The following PHF14 variants were observed in gnomAD, a reference collection of about 807,000 sequenced individuals.
The protein encoded by PHF14 is PHD finger protein 14.
PHF14 carries 55 observed loss-of-function variants against 117.9 expected under a neutral mutation model. That is an observed-to-expected ratio of 0.47 (90% CI 0.38 to 0.58). The LOEUF (loss-of-function observed/expected upper bound fraction) is 0.58. Ranked by LOEUF, PHF14 falls within the 20% of genes least tolerant of loss-of-function variation. The probability of loss-of-function intolerance (pLI) is 0.00; values close to 1 mark genes in which losing one functional copy is unlikely to be tolerated. For missense variants in PHF14, 978 were observed against 1,122.2 expected (o/e 0.87, Z 1.84); for synonymous variants, 409 against 368.6 (o/e 1.11, Z -1.26).
At position 11,020,235 on chromosome 7, in the gene PHF14, T is replaced by G. The variant is rs180765363; in HGVS notation, c.1206-2633T>G. ...TCCTGAGTAGTGCAGGTTATAGGTG[T>G]GCGCCACCACACCAGGCTAATGTTT... On this transcript the variant is annotated intron_variant, in intron 5 of 17. Transcript: ENST00000634607. 6.5e-4 allele frequency among the ~76,000 whole-genome samples: 99 copies of G among 152,042 alleles called. 1 individual carries two copies. Among genetic ancestry groups the G allele is most frequent in the South Asian group, 2.1e-3 (10 of 4,812 alleles).
intron 16 of PHF14, chr7:11,110,116 C>T (rs1787394204): frequency 6.6e-6 from 1 of 151,600 alleles, no homozygotes. Flanking sequence ...ATTTACAGTC[C>T]CTTTTATTAT....
At chr7:11,135,148 G>C (rs1218069575) in intron 17 of PHF14, among the ~76,000 whole-genome samples, 1 of 152,090 alleles carries the variant, frequency 6.6e-6, no homozygotes, top group Non-Finnish European at 1.5e-5. Flanking sequence ...TGCAGACTTG[G>C]AGTCAAATTA....
chr7:11,121,759 A>G (rs1583482153), intron 17 of PHF14, among the ~76,000 whole-genome samples: 1 of 152,114 alleles, frequency 6.6e-6, no homozygotes. Context: ...GGAATGATTC[A>G]TGTCCCAAGT....
At chr7:11,137,541 T>C (rs1788257032) in intron 17 of PHF14, among the ~76,000 whole-genome samples, 1 of 151,988 alleles carries the variant, frequency 6.6e-6, no homozygotes, top group South Asian at 2.1e-4. Context: ...ATTATTAATA[T>C]AGTTCTAAAG....
Position 11,037,014 on chromosome 7 carries a change from GA to G in PHF14, c.1907del (p.Asn636IlefsTer8). On this transcript the variant is annotated frameshift_variant, in exon 10 of 18. Transcript: ENST00000634607. LOFTEE classifies it high-confidence loss of function. ...AAATATGCGCATGATTCAAATTCAGGAAAATATGGCTGAACAAAAGAATATA... is the reference window on the plus strand; with the variant it reads ...AAATATGCGCATGATTCAAATTCAGGAAATATGGCTGAACAAAAGAATATA... ...ERNMRMIQIQ[E>X]NMAEQKNIKD... 6.6e-7 allele frequency: 1 copy of G among 1,516,350 alleles called. No homozygotes were observed. Among genetic ancestry groups the G allele is most frequent in the Non-Finnish European group, 9.0e-7 (1 of 1,109,882 alleles). The allele number at this position is 1,516,350 out of a possible 1,614,324, so 93.9% of individuals were successfully genotyped here. A position where few individuals can be genotyped will look rare whatever the true frequency, so the allele number is the denominator to read the frequency against.
intron 14 of PHF14, among the ~76,000 whole-genome samples, chr7:11,055,728 T>C (rs946872001): frequency 1.3e-5 from 2 of 152,152 alleles, no homozygotes; most frequent in Non-Finnish European, 2.9e-5. Context: ...GAGCCTACTT[T>C]TATTACATTT....
At chr7:11,025,423 A>G (rs1318373563) in intron 6 of PHF14, among the ~76,000 whole-genome samples, 1 of 152,220 alleles carries the variant, frequency 6.6e-6, no homozygotes, top group African/African-American at 2.4e-5. Flanking sequence ...AATGCTGTCA[A>G]ATAGCATCAC....
At chr7:11,150,975 AAAGTAAAAGAACT>A (rs1788685367) in intron 17 of PHF14, among the ~76,000 whole-genome samples, 3 of 152,034 alleles carry the variant, frequency 2.0e-5, no homozygotes, top group Admixed American at 2.0e-4. Flanking sequence ...CTTTAAAAGA[AAAGTAAAAGAACT>A]ACACTGTCTT....
chr7:11,015,060 T>C (rs1248528795), intron 5 of PHF14: 1 of 152,106 alleles, frequency 6.6e-6, no homozygotes, highest in Non-Finnish European at 1.5e-5. Context: ...TTTAGTATTT[T>C]ATTAAACATG....
intron 10 of PHF14, among the ~76,000 whole-genome samples, chr7:11,038,210 G>A (rs542522008): frequency 3.4e-4 from 51 of 152,018 alleles, no homozygotes; most frequent in South Asian, 3.3e-3. Context: ...TCAAGAGATC[G>A]AGACCATCCT....
intron 3 of PHF14, among the ~76,000 whole-genome samples, chr7:10,990,172 A>G (rs1220933364): frequency 1.3e-5 from 2 of 152,206 alleles, no homozygotes; most frequent in Non-Finnish European, 2.9e-5. Flanking sequence ...TAAGGAGTAT[A>G]GAGTCCTTAA....
intron 16 of PHF14, chr7:11,107,324 A>G (rs1787304563): frequency 1.1e-6 from 1 of 942,746 alleles, no homozygotes; most frequent in Admixed American, 6.2e-5. Context: ...ATCATATACT[A>G]AGTAAGTATT....
intron 7 of PHF14, among the ~76,000 whole-genome samples, chr7:11,031,474 T>A (rs1184224574): frequency 6.6e-6 from 1 of 151,836 alleles, no homozygotes; most frequent in Non-Finnish European, 1.5e-5. Flanking sequence ...ACTATAGGGC[T>A]GGGTGCAGTG....
At chr7:10,991,759 A>ATTTTTTTTTTTTTTTTTT (rs71023881) in intron 4 of PHF14, among the ~76,000 whole-genome samples, 2 of 111,044 alleles carry the variant, frequency 1.8e-5, no homozygotes, top group Non-Finnish European at 3.4e-5. Context: ...TAATTTTTTA[A>ATTTTTTTTTTTTTTTTTT]TTTTTTTTTT....
intron 17 of PHF14, among the ~76,000 whole-genome samples, chr7:11,142,494 T>A (rs1788426983): frequency 6.6e-6 from 1 of 152,110 alleles, no homozygotes; most frequent in Admixed American, 6.5e-5. Flanking sequence ...TCTGATATCA[T>A]GTAGAAAACT....
chr7:11,048,118 A>G (rs144500575), intron 13 of PHF14, among the ~76,000 whole-genome samples: 1 of 152,316 alleles, frequency 6.6e-6, no homozygotes, highest in African/African-American at 2.4e-5. Context: ...TGGGAATTAT[A>G]AATTTTAGGA....
intron 16 of PHF14, among the ~76,000 whole-genome samples, chr7:11,067,636 A>G (rs1785467843): frequency 6.6e-6 from 1 of 152,210 alleles, no homozygotes; most frequent in African/African-American, 2.4e-5. Flanking sequence ...TATGTTGCTA[A>G]GAAGAAATAC....
chr7:11,063,441 A>G, intron 16 of PHF14: 1 of 974,574 alleles, frequency 1.0e-6, no homozygotes, highest in Non-Finnish European at 1.2e-6. Flanking sequence ...TAACAATCTT[A>G]TATAATGAAC....
In PHF14 at chr7:11,111,322, C is replaced by A; in HGVS notation, c.2655-28C>A. 3 of 1,065,200 alleles carry A rather than the reference C, an allele frequency of 2.8e-6. 1 individual carries two copies. Among genetic ancestry groups the A allele is most frequent in the South Asian group, 2.7e-5 (2 of 74,396 alleles). 66.0% of individuals were successfully genotyped at this position (1,065,200 alleles called of 1,614,324 possible). ...ATGGTTTTTATATTATTTAGATACA[C>A]CTACCTATAAATCTGTTTACCCTGC... On this transcript the variant is annotated intron_variant, in intron 16 of 17. Transcript: ENST00000634607.
Sources: allele counts gnomAD v4.1 joint callset (sites outside exome capture counted in the v4.1 genomes callset), GRCh38; gene constraint gnomAD v4.1.1; transcripts MANE v1.5; gene names NCBI Gene and HGNC (gene_info 2026-07-23, HGNC 2026-07-21).